The following DENND2B variants were observed in gnomAD, a reference collection of about 807,000 sequenced individuals.
DENND2B encodes the protein DENN domain containing 2B, also known as DENN domain-containing protein 2B.
DENND2B carries 32 observed loss-of-function variants against 116.0 expected under a neutral mutation model. That is an observed-to-expected ratio of 0.28 (90% CI 0.21 to 0.37). The LOEUF (loss-of-function observed/expected upper bound fraction) is 0.37. Among genes scored for constraint, DENND2B ranks in the 10% least tolerant of loss-of-function variants. DENND2B has a pLI of 1.00. For missense variants in DENND2B, 1,276 were observed against 1,477.7 expected, an observed-to-expected ratio of 0.86 and a Z score of 2.24; for synonymous variants, 588 against 583.9, an observed-to-expected ratio of 1.01 and a Z score of -0.10.
At position 8,841,076 on chromosome 11, in the gene DENND2B, C is replaced by G. The variant is rs989694385; in HGVS notation, c.-155-1726G>C. Among the ~76,000 whole-genome samples the G allele has an allele frequency of 8.5e-5, 13 of 152,222 alleles. No individual in the cohort carries two copies. The East Asian group carries it at 1.9e-3, about 23-fold the overall frequency. On this transcript the variant is annotated intron_variant, in intron 3 of 6. Transcript: ENST00000524757. ...AAACTGACAAATATCAAGAAACTTA[C>G]GCTGTCATTTTCCATGATTCAAACA...
At chr11:8,719,599 G>A (rs972727756) in intron 4 of DENND2B, among the ~76,000 whole-genome samples, 4 of 152,158 alleles carry the variant, frequency 2.6e-5, no homozygotes, top group Admixed American at 6.5e-5. Flanking sequence ...TAGCAAACCC[G>A]GCACCCCCTG....
rs760735158 is a variant in DENND2B at position 8,712,751 on chromosome 11, A to G, written c.1988-16T>C. On this transcript the variant is annotated splice_polypyrimidine_tract_variant and intron_variant, in intron 8 of 19. Transcript: ENST00000313726. This position sits in a 1 kb window ranked among gnomAD's most constrained non-coding sequence, Gnocchi z 4.4. ...TGTGTGTGGGCTGGAGGCAGGTTGCACATCAGGGAATGGACCCTCACAGGC... is the reference window on the plus strand; with the variant it reads ...TGTGTGTGGGCTGGAGGCAGGTTGCGCATCAGGGAATGGACCCTCACAGGC... The G allele has an allele frequency of 1.3e-5, 21 of 1,602,644 alleles. No homozygotes were observed. In the South Asian group the frequency reaches 2.2e-4, roughly 17 times the overall value.
At chr11:8,872,821 C>T (rs976567925), upstream of DENND2B, among the ~76,000 whole-genome samples, 1 of 152,180 alleles carries the variant, frequency 6.6e-6, no homozygotes, top group Non-Finnish European at 1.5e-5. Flanking sequence ...GGCCAAAAAT[C>T]AGCACAGGTT....
At chr11:8,751,848 G>A (rs1334051732) in intron 1 of DENND2B, among the ~76,000 whole-genome samples, 1 of 152,120 alleles carries the variant, frequency 6.6e-6, no homozygotes, top group Non-Finnish European at 1.5e-5. Context: ...TGCCATATTT[G>A]CATATCTCCT....
chr11:8,816,886 T>A (rs1370578760), intron 4 of DENND2B, among the ~76,000 whole-genome samples: 2 of 152,202 alleles, frequency 1.3e-5, no homozygotes, highest in African/African-American at 2.4e-5. Flanking sequence ...TGCATCATTC[T>A]ACGCAGTCAC....
At chr11:8,733,463 T>C (rs1326548548) in intron 2 of DENND2B, among the ~76,000 whole-genome samples, 1 of 152,232 alleles carries the variant, frequency 6.6e-6, no homozygotes, top group African/African-American at 2.4e-5. Context: ...TTCTAGGTGC[T>C]AGATACAAGA....
chr11:8,904,278 C>A (rs753288536), intron 1 of DENND2B, among the ~76,000 whole-genome samples: 1 of 152,134 alleles, frequency 6.6e-6, no homozygotes, highest in Non-Finnish European at 1.5e-5. Context: ...ATAAAAACCA[C>A]ATGATCACAT....
chr11:8,714,160 G>A, intron 7 of DENND2B, 118 bp from the exon 8 acceptor site: 1 of 1,058,958 alleles, frequency 9.4e-7, no homozygotes, highest in Admixed American at 1.8e-5. Flanking sequence ...GGGCTACTCT[G>A]GGCCCATGGT....
intron 1 of DENND2B, among the ~76,000 whole-genome samples, chr11:8,806,639 C>CACACACACACACA (rs1565991413): frequency 2.3e-4 from 34 of 147,772 alleles, no homozygotes; most frequent in South Asian, 4.4e-4. Flanking sequence ...CACACACACA[C>CACACACACACACA]CCAGGAGAGC....
intron 1 of DENND2B, among the ~76,000 whole-genome samples, chr11:8,884,178 G>A (rs1157760988): frequency 2.0e-5 from 3 of 151,620 alleles, no homozygotes; most frequent in Admixed American, 6.6e-5. Flanking sequence ...TCTAATTCAC[G>A]ATTCAACCAA....
At chr11:8,765,803 C>T (rs2055628676) in intron 1 of DENND2B, among the ~76,000 whole-genome samples, 1 of 151,980 alleles carries the variant, frequency 6.6e-6, no homozygotes, top group African/African-American at 2.4e-5. Context: ...TTTGGGAGGC[C>T]AAGGCGGGTA....
chr11:8,734,617 G>T (rs947400395), intron 2 of DENND2B, among the ~76,000 whole-genome samples: 3 of 151,888 alleles, frequency 2.0e-5, no homozygotes, highest in Non-Finnish European at 4.4e-5. Flanking sequence ...GCGAAACCCA[G>T]TCTCTACTAA....
intron 3 of DENND2B, among the ~76,000 whole-genome samples, chr11:8,855,846 A>G (rs932062262): frequency 6.6e-6 from 1 of 152,154 alleles, no homozygotes; most frequent in Admixed American, 6.5e-5. Context: ...CAAACAGAAT[A>G]AGGAAAGGGG....
chr11:8,823,373 C>G (rs533628711), intron 4 of DENND2B, among the ~76,000 whole-genome samples: 3 of 152,132 alleles, frequency 2.0e-5, no homozygotes, highest in Non-Finnish European at 4.4e-5. Context: ...CTCTGGAACT[C>G]CTAGAAGTTT....
chr11:8,752,548 T>TA (rs2052727686), intron 1 of DENND2B, among the ~76,000 whole-genome samples: 1 of 152,104 alleles, frequency 6.6e-6, no homozygotes, highest in Non-Finnish European at 1.5e-5. Context: ...GGAAAACCAT[T>TA]ACGATAAAGT....
intron 2 of DENND2B, chr11:8,877,457 C>T (rs2063856875): frequency 6.6e-6 from 1 of 150,954 alleles, no homozygotes; most frequent in African/African-American, 2.4e-5. Flanking sequence ...AGAGAAGGAA[C>T]AAAGAAATCT....
intron 3 of DENND2B, among the ~76,000 whole-genome samples, chr11:8,857,083 ATCTTGTAT>A (rs2063220122): frequency 6.6e-6 from 1 of 152,164 alleles, no homozygotes. Context: ...GTATAATGTT[ATCTTGTAT>A]CCCTCCTGTC....
intron 2 of DENND2B, among the ~76,000 whole-genome samples, chr11:8,733,431 C>G (rs931234535): frequency 1.3e-5 from 2 of 152,206 alleles, no homozygotes; most frequent in Non-Finnish European, 2.9e-5. Context: ...ACTTAGTGAG[C>G]ACCTACTCTG....
chr11:8,747,688 T>G (rs936298240), intron 2 of DENND2B, among the ~76,000 whole-genome samples: 1 of 152,132 alleles, frequency 6.6e-6, no homozygotes, highest in Non-Finnish European at 1.5e-5. Context: ...ATGAACAGTA[T>G]GCTCATTCGG....
Sources: gnomAD v4.1 joint callset for allele counts (sites outside exome capture counted in the v4.1 genomes callset) on GRCh38, gnomAD v4.1.1 for gene constraint, Gnocchi (gnomAD v3.1) non-coding constraint, MANE v1.5 for transcripts, NCBI Gene and HGNC (gene_info 2026-07-23, HGNC 2026-07-21) for gene names.